Variants in MBP observed in about 807,000 individuals in gnomAD.
The protein encoded by MBP is Golli-MBP.
MBP carries 16 observed loss-of-function variants against 35.8 expected under a neutral mutation model. That is an observed-to-expected ratio of 0.45 (90% CI 0.30 to 0.68). MBP has a LOEUF of 0.68. Ranked by LOEUF, MBP falls within the 30% of genes least tolerant of loss-of-function variation. The probability of loss-of-function intolerance (pLI) is 0.08; values close to 1 mark genes in which losing one functional copy is unlikely to be tolerated. For missense variants in MBP, 380 were observed against 404.7 expected (o/e 0.94, Z 0.52); for synonymous variants, 143 against 159.6 (o/e 0.90, Z 0.78).
chr18:77,129,446 C>G (rs890474620), intron 1 of MBP, among the ~76,000 whole-genome samples: 5 of 152,230 alleles, frequency 3.3e-5, no homozygotes, highest in African/African-American at 1.2e-4. Flanking sequence ...TCCCACAAAC[C>G]TGGCCAGCCC....
intron 2 of MBP, among the ~76,000 whole-genome samples, chr18:77,097,071 C>A (rs547424910): frequency 1.3e-5 from 2 of 152,136 alleles, no homozygotes; most frequent in African/African-American, 4.8e-5. Flanking sequence ...GGTACAGGGT[C>A]CCCAGAGACC....
chr18:77,048,950 C>T (rs1476743516), intron 3 of MBP, among the ~76,000 whole-genome samples: 3 of 151,548 alleles, frequency 2.0e-5, no homozygotes, highest in African/African-American at 4.9e-5. Context: ...TATGGAGTCT[C>T]GCTCTGTCAC....
intron 3 of MBP, among the ~76,000 whole-genome samples, chr18:77,043,154 T>C (rs1251406771): frequency 6.6e-6 from 1 of 152,218 alleles, no homozygotes; most frequent in Admixed American, 6.5e-5. Flanking sequence ...AACTGAAATA[T>C]TTCCCATCTA....
chr18:77,003,760 G>C (rs900124446), intron 4 of MBP: 5 of 152,098 alleles, frequency 3.3e-5, no homozygotes, highest in African/African-American at 1.2e-4. Context: ...TTCTTTTGTG[G>C]CTCACAGAGA....
At chr18:77,097,425 G>A (rs1291381304) in intron 2 of MBP, 1 of 152,196 alleles carries the variant, frequency 6.6e-6, no homozygotes, top group Non-Finnish European at 1.5e-5. Context: ...CATAACAAAA[G>A]ATGCCACTGA....
At chr18:77,081,749 CATATAT>C (rs3056773) in intron 2 of MBP, among the ~76,000 whole-genome samples, 41,616 of 135,964 alleles carry the variant, frequency 0.31, 6,589 homozygotes, top group East Asian at 0.44. Flanking sequence ...TTCATAGCAG[CATATAT>C]ATATATATAT....
chr18:77,014,317 G>A, intron 4 of MBP: 5 of 985,552 alleles, frequency 5.1e-6, no homozygotes, highest in Non-Finnish European at 6.0e-6. Context: ...AAGAGCACAG[G>A]AGGGTGGGAG....
At chr18:76,985,960 G>A in intron 7 of MBP, 1 of 985,804 alleles carries the variant, frequency 1.0e-6, no homozygotes, top group Non-Finnish European at 1.2e-6. Flanking sequence ...GACACACATG[G>A]GTGCGAGTGT....
At chr18:77,128,474 G>T (rs1008099006) in intron 1 of MBP, among the ~76,000 whole-genome samples, 2 of 151,586 alleles carry the variant, frequency 1.3e-5, no homozygotes, top group Admixed American at 1.3e-4. Flanking sequence ...TGGTCACATG[G>T]TTCTACATGG....
chr18:77,056,086 G>A (rs879230339), intron 3 of MBP, among the ~76,000 whole-genome samples: 10 of 152,366 alleles, frequency 6.6e-5, no homozygotes, highest in African/African-American at 1.9e-4. Context: ...TTGTGCCAGC[G>A]CATGGCAGTG....
At position 77,066,497 on chromosome 18, in the gene MBP, C is replaced by T. The variant is rs1380540940; in HGVS notation, c.52-112G>A. The T allele has an allele frequency of 3.7e-6, 3 of 808,478 alleles. No homozygotes were observed. The African/African-American group carries it at 5.1e-5, about 14-fold the overall frequency. 50.1% of individuals were successfully genotyped at this position (808,478 alleles called of 1,614,324 possible). A position where few individuals can be genotyped will look rare whatever the true frequency, so the allele number is the denominator to read the frequency against. On this transcript the variant is annotated intron_variant, in intron 2 of 8. Coordinates refer to ENST00000355994, the MANE Select transcript of MBP (RefSeq NM_001025101.2). ...ATTTTTTATCAGATAATCAGTTTCA[C>T]ATCTGTTTTCAAGATAGAATATAGA...
At chr18:76,985,189 G>T in intron 7 of MBP, 1 of 1,458,632 alleles carries the variant, frequency 6.9e-7, no homozygotes, top group African/African-American at 1.4e-5. Flanking sequence ...AGTCGTTTAG[G>T]GAACAGTTGC....
intron 4 of MBP, among the ~76,000 whole-genome samples, chr18:77,008,381 A>G (rs1192012026): frequency 6.6e-6 from 1 of 152,048 alleles, no homozygotes; most frequent in African/African-American, 2.4e-5. Flanking sequence ...ACCCTCAGAA[A>G]CTACCTGCGG....
At chr18:76,986,514 G>A (rs1367549771) in intron 7 of MBP, 1 of 985,426 alleles carries the variant, frequency 1.0e-6, no homozygotes, top group Non-Finnish European at 1.2e-6. Context: ...CTGTGCTTGG[G>A]AGTGAGCATG....
chr18:76,985,819 G>A, intron 7 of MBP: 5 of 988,678 alleles, frequency 5.1e-6, no homozygotes, highest in Non-Finnish European at 6.0e-6. Context: ...CACTCCTCAG[G>A]TGGAGGCTGC....
At chr18:77,016,494 G>T in intron 4 of MBP, 1 of 1,155,110 alleles carries the variant, frequency 8.7e-7, no homozygotes, top group Non-Finnish European at 1.1e-6. Context: ...AAGTCCGCAA[G>T]CACACACCAC....
rs989684569 is a variant in MBP at position 77,080,071 on chromosome 18, C to A, written c.52-13686G>T. On this transcript the variant is annotated intron_variant, in intron 2 of 8. Coordinates refer to ENST00000355994, the MANE Select transcript of MBP (RefSeq NM_001025101.2). ...AATCCTTTAAGAACTGAAGTATCAG[C>A]CCAGGAATAAACTGTGTGTGTGCTG... is the stretch of plus-strand genomic sequence containing the variant. Among the ~76,000 whole-genome samples the A allele has an allele frequency of 2.6e-5, 4 of 152,102 alleles. No individual in the cohort carries two copies. In the East Asian group the frequency reaches 5.8e-4, roughly 22 times the overall value.
intron 3 of MBP, among the ~76,000 whole-genome samples, chr18:77,018,475 A>G (rs967993224): frequency 2.1e-5 from 3 of 145,898 alleles, no homozygotes; most frequent in Non-Finnish European, 4.5e-5. Context: ...TCATCCATCC[A>G]TCCACATATC....
intron 4 of MBP, chr18:77,013,810 A>G: frequency 1.0e-6 from 1 of 985,482 alleles, no homozygotes; most frequent in Non-Finnish European, 1.2e-6. Context: ...CAAGTGGCAC[A>G]TCACCATGTC....
Sources: allele counts gnomAD v4.1 joint callset (sites outside exome capture counted in the v4.1 genomes callset), GRCh38; gene constraint gnomAD v4.1.1; transcripts MANE v1.5; gene names NCBI Gene and HGNC (gene_info 2026-07-23, HGNC 2026-07-21).